The following FBN3 variants were observed in gnomAD, a reference collection of about 807,000 sequenced individuals.
FBN3 encodes the protein fibrillin-3.
Under a neutral mutation model 330.1 loss-of-function variants are expected in FBN3, and 234 were observed. The ratio of observed to expected loss-of-function variants is 0.71; its 90% CI spans 0.64 to 0.79. The LOEUF is 0.79. Among genes scored for constraint, FBN3 ranks in the 30% least tolerant of loss-of-function variants. The pLI is 0.00. For missense variants in FBN3, 3,606 were observed against 3,886.9 expected (o/e 0.93, Z 1.92); for synonymous variants, 1,458 against 1,517.3 (o/e 0.96, Z 0.91).
rs751067216 is a variant in FBN3 at position 8,141,727 on chromosome 19, G to A, written c.855C>T (p.Ala285=). Residue 285 remains alanine (A), a synonymous_variant, in exon 8 of 64, where the codon GCC becomes GCT. Transcript: ENST00000600128. ...CCTCCAGTCACCCACCTTCACATGC[G>A]GCGCTGCTGTCACTGAGCCGGTGTC... ...PVGHRLSDSS[A]ACEDYRAGAC... The A allele has an allele frequency of 2.5e-5, 41 of 1,612,892 alleles. No homozygotes were observed. Among genetic ancestry groups the A allele is most frequent in the South Asian group, 1.2e-4 (11 of 90,956 alleles).
chr19:8,070,948 A>T (rs1278153721), intron 63 of FBN3, among the ~76,000 whole-genome samples: 1 of 151,542 alleles, frequency 6.6e-6, no homozygotes, highest in Non-Finnish European at 1.5e-5. Flanking sequence ...CCTGAACCCA[A>T]GAGGCAGAGA....
chr19:8,135,936 G>GTGA, intron 13 of FBN3, 25 bp downstream of exon 13: 1 of 668,778 alleles, frequency 1.5e-6, no homozygotes. Context: ...GGAAGCCCCT[G>GTGA]CCCACCCGCC....
At chr19:8,105,671 G>A (rs1378829637) in intron 38 of FBN3, among the ~76,000 whole-genome samples, 1 of 152,190 alleles carries the variant, frequency 6.6e-6, no homozygotes, top group Non-Finnish European at 1.5e-5. Context: ...AAAATAGGTA[G>A]TGGAATATTA....
intron 63 of FBN3, among the ~76,000 whole-genome samples, chr19:8,067,498 G>A (rs1363229258): frequency 1.3e-5 from 2 of 152,210 alleles, no homozygotes; most frequent in Admixed American, 6.5e-5. Context: ...GAAAATATTA[G>A]TACTGGTGTG....
At position 8,081,000 on chromosome 19, in the gene FBN3, C is replaced by T. The variant is rs374480396; in HGVS notation, c.7453+3G>A. ...CTCCCGGTGAGGGGCAAGGGTCACT[C>T]ACCGAAGCAGGCCTGGTGGTGCTGG... On this transcript the variant is annotated splice_donor_region_variant and intron_variant, in intron 59 of 63. Coordinates refer to ENST00000600128, the MANE Select transcript of FBN3 (RefSeq NM_032447.5). 5.6e-6 allele frequency: 9 copies of T among 1,604,164 alleles called. No individual in the cohort carries two copies. In the East Asian group the frequency reaches 8.9e-5, roughly 16 times the overall value.
At chr19:8,080,952 C>T in intron 59 of FBN3, 51 bp downstream of exon 59, 1 of 1,314,170 alleles carries the variant, frequency 7.6e-7, no homozygotes, top group Non-Finnish European at 1.1e-6. Flanking sequence ...AGCAAAATAA[C>T]TAATGCTGGG....
rs200723385 is a variant in FBN3 at position 8,100,976 on chromosome 19, C to T, written c.5090-4G>A. 58 of 1,612,670 alleles carry T rather than the reference C, an allele frequency of 3.6e-5. No individual in the cohort carries two copies. In the East Asian group the frequency reaches 7.4e-4, roughly 20 times the overall value. On this transcript the variant is annotated splice_region_variant and splice_polypyrimidine_tract_variant and intron_variant, in intron 40 of 63. Coordinates refer to ENST00000600128, the MANE Select transcript of FBN3 (RefSeq NM_032447.5). ...CCACACAGGATCTGGTAGTCAGCTG[C>T]GCAAAGGGGAACAAAGCTGAGTCTG...
chr19:8,069,566 G>A (rs2081467994), intron 63 of FBN3, among the ~76,000 whole-genome samples: 1 of 152,194 alleles, frequency 6.6e-6, no homozygotes, highest in Non-Finnish European at 1.5e-5. Flanking sequence ...CTGGCAGTCA[G>A]TGGGTATTGC....
chr19:8,093,203 A>G (rs939403148), intron 47 of FBN3, among the ~76,000 whole-genome samples: 11 of 152,166 alleles, frequency 7.2e-5, no homozygotes, highest in African/African-American at 2.7e-4. Flanking sequence ...ATAGATCAGA[A>G]TAGGCCGGGC....
chr19:8,118,396 G>A (rs1339496030), intron 26 of FBN3, among the ~76,000 whole-genome samples: 1 of 152,146 alleles, frequency 6.6e-6, no homozygotes, highest in Non-Finnish European at 1.5e-5. Flanking sequence ...GGAGGTGGAG[G>A]CTGCAGTGAG....
Position 8,126,778 on chromosome 19 carries a change from GC to G in FBN3, c.2350del (p.Ala784ProfsTer22). 6.3e-7 allele frequency: 1 copy of G among 1,593,076 alleles called. No homozygotes were observed. The part of the protein sequence containing the change: ...PCVSGVCRNL[A>X]GSYTCKCGPG... Reference sequence around the variant, plus strand: ...GCCACATTTGCAGGTGTAGGAGCCGGCCAGGTTCCGACAGACGCCACTCACA... The same window carrying G: ...GCCACATTTGCAGGTGTAGGAGCCGGCAGGTTCCGACAGACGCCACTCACA... On this transcript the variant is annotated frameshift_variant, in exon 19 of 64. Coordinates refer to ENST00000600128, the MANE Select transcript of FBN3 (RefSeq NM_032447.5). LOFTEE classifies it high-confidence loss of function.
At chr19:8,068,526 T>C (rs1011634755) in intron 63 of FBN3, among the ~76,000 whole-genome samples, 1 of 151,724 alleles carries the variant, frequency 6.6e-6, no homozygotes, top group African/African-American at 2.4e-5. Context: ...GTGAACCCCG[T>C]CTCTACAAAA....
chr19:8,066,214 A>C lies in FBN3; in HGVS notation c.8135T>G (p.Leu2712Arg), dbSNP rs752241003. ...GGCCCGGCCCAGGTGTGAGAGGTTC[A>C]GGCCCAAGGTCAGCAGGGCCTCGGA... ...LDSEALLTLG[L>R]NLSHLGRAER... Residue 2712 changes from leucine (L) to arginine (R), a missense_variant, in exon 64 of 64, where the codon CTG (leucine) becomes CGG (arginine). Leu to Arg is a moderately radical substitution (Grantham distance 102). Coordinates refer to ENST00000600128, the MANE Select transcript of FBN3 (RefSeq NM_032447.5). 2 of 1,597,184 alleles carry C rather than the reference A, an allele frequency of 1.3e-6. No individual in the cohort carries two copies. The highest frequency in any genetic ancestry group is 4.5e-5 in the East Asian group (2 of 44,420).
chr19:8,109,639 C>A lies in FBN3; in HGVS notation c.4448G>T (p.Gly1483Val), dbSNP rs761451213. Reference protein sequence around the residue: ...QDFELNPSGVGCVDTRAGNCF... With the variant: ...QDFELNPSGVVCVDTRAGNCF... Reference sequence around the variant, plus strand: ...GTTGAGCATGGACTCACCCACGCAGCCCACTCCGCTGGGGTTCAGCTCAAA... The same window carrying A: ...GTTGAGCATGGACTCACCCACGCAGACCACTCCGCTGGGGTTCAGCTCAAA... The change falls in exon 35 of 64, where the codon GGC becomes GTC. Residue 1483 changes from glycine to valine, a missense_variant. Physicochemically the swap from Gly to Val is moderately radical, Grantham distance 109. Transcript: ENST00000600128. The surrounding 1 kb of genome is among the most constrained non-coding windows in gnomAD (Gnocchi z 5.2). The A allele has an allele frequency of 2.5e-6, 4 of 1,593,364 alleles. No homozygotes were observed. The highest frequency in any genetic ancestry group is 3.4e-6 in the Non-Finnish European group (4 of 1,169,468).
chr19:8,124,787 C>T (rs1482265598), intron 22 of FBN3, among the ~76,000 whole-genome samples: 2 of 152,184 alleles, frequency 1.3e-5, no homozygotes, highest in Non-Finnish European at 2.9e-5. Context: ...CCACCTGCCT[C>T]GGCCTCCCAA....
chr19:8,101,860 G>T (rs1359743709), intron 40 of FBN3, among the ~76,000 whole-genome samples: 1 of 152,228 alleles, frequency 6.6e-6, no homozygotes, highest in Admixed American at 6.5e-5. Flanking sequence ...TGGAAGAAAA[G>T]CTGCCTTGCT....
intron 30 of FBN3, 84 bp from the exon 31 acceptor site, chr19:8,112,183 T>G: frequency 2.8e-6 from 4 of 1,434,612 alleles, no homozygotes; most frequent in African/African-American, 1.4e-5. Flanking sequence ...GCAGGGACTC[T>G]TCCTCTCTAG....
intron 41 of FBN3, among the ~76,000 whole-genome samples, chr19:8,098,686 A>T (rs2082264363): frequency 6.6e-6 from 1 of 152,146 alleles, no homozygotes; most frequent in South Asian, 2.1e-4. Flanking sequence ...TACTGAGGTG[A>T]TGGTTGCATA....
rs535545017 is a variant in FBN3, at chr19:8,080,770, C to T, written c.7453+233G>A. 1.5e-3 allele frequency among the ~76,000 whole-genome samples: 224 copies of T among 152,236 alleles called. 1 individual carries two copies. Among genetic ancestry groups the T allele is most frequent in the African/African-American group, 5.1e-3 (211 of 41,558 alleles). On this transcript the variant is annotated intron_variant, in intron 59 of 63. Coordinates refer to ENST00000600128, the MANE Select transcript of FBN3 (RefSeq NM_032447.5). Reference sequence around the variant, plus strand: ...GAGTTGCTGGGATTACAGGCACCTGCCACCATGCCAGGCTAATTTTTTTGT... The same window carrying T: ...GAGTTGCTGGGATTACAGGCACCTGTCACCATGCCAGGCTAATTTTTTTGT...
Sources: gnomAD v4.1 joint callset for allele counts (sites outside exome capture counted in the v4.1 genomes callset) on GRCh38, gnomAD v4.1.1 for gene constraint, Gnocchi (gnomAD v3.1) non-coding constraint, MANE v1.5 for transcripts, NCBI Gene and HGNC (gene_info 2026-07-23, HGNC 2026-07-21) for gene names.